SLC35F3: variants seen among roughly 807,000 people sequenced by gnomAD.
SLC35F3 encodes the protein solute carrier family 35 member F3, also known as putative thiamine transporter SLC35F3.
Under a neutral mutation model 49.9 loss-of-function variants are expected in SLC35F3, and 25 were observed. The observed-to-expected ratio is 0.50, with a 90% CI of 0.37 to 0.70. The LOEUF (loss-of-function observed/expected upper bound fraction) is 0.70. Ranked by LOEUF, SLC35F3 falls within the 30% of genes least tolerant of loss-of-function variation. The pLI is 0.00. For synonymous variants in SLC35F3, 275 were observed against 265.4 expected (o/e 1.04, Z -0.35); for missense variants, 525 against 639.8 (o/e 0.82, Z 1.94).
chr1:234,260,822 C>T (rs1443323318), intron 3 of SLC35F3, among the ~76,000 whole-genome samples: 1 of 152,156 alleles, frequency 6.6e-6, no homozygotes, highest in Non-Finnish European at 1.5e-5. Context: ...ATTTCCTCCA[C>T]CAAAGTTACC....
intron 2 of SLC35F3, among the ~76,000 whole-genome samples, chr1:234,099,264 T>C (rs1032354572): frequency 6.6e-6 from 1 of 152,040 alleles, no homozygotes; most frequent in Non-Finnish European, 1.5e-5. Flanking sequence ...TAGAATAATA[T>C]TGGGAATGAT....
At chr1:234,108,623 G>GAT (rs58507649) in intron 2 of SLC35F3, among the ~76,000 whole-genome samples, 1 of 110,644 alleles carries the variant, frequency 9.0e-6, no homozygotes, top group East Asian at 2.4e-4. Flanking sequence ...ATATATAAAA[G>GAT]ATATATATAT....
intron 2 of SLC35F3, among the ~76,000 whole-genome samples, chr1:234,006,368 G>C (rs1663631164): frequency 6.6e-6 from 1 of 152,052 alleles, no homozygotes; most frequent in Non-Finnish European, 1.5e-5. Flanking sequence ...GATTTATTTT[G>C]CTTCACCAAT....
intron 4 of SLC35F3, among the ~76,000 whole-genome samples, chr1:234,310,634 T>C (rs567722314): frequency 9.8e-5 from 15 of 152,296 alleles, no homozygotes; most frequent in Admixed American, 2.0e-4. Flanking sequence ...TGGGCCCCCC[T>C]GCCACCCACC....
chr1:234,291,743 C>T (rs568249268), intron 3 of SLC35F3, among the ~76,000 whole-genome samples: 5 of 152,260 alleles, frequency 3.3e-5, no homozygotes, highest in South Asian at 4.1e-4. Flanking sequence ...GTGGGGTTTT[C>T]GTGATGGAGA....
intron 3 of SLC35F3, among the ~76,000 whole-genome samples, chr1:234,258,231 G>A (rs1298137812): frequency 6.6e-6 from 1 of 152,206 alleles, no homozygotes; most frequent in African/African-American, 2.4e-5. Flanking sequence ...ATAATGGGGG[G>A]TCAAAGCTGT....
In SLC35F3 at chr1:233,932,722, C is replaced by T. The variant is rs535319905; in HGVS notation, c.283+26964C>T. Among the ~76,000 whole-genome samples the T allele has an allele frequency of 9.8e-5, 15 of 152,290 alleles. No homozygotes were observed. In the South Asian group the frequency reaches 2.9e-3, roughly 29 times the overall value. On this transcript the variant is annotated intron_variant, in intron 2 of 7. Transcript: ENST00000366618. ...ATCCTTGATGGATCAGTTGTTTATA[C>T]AGGATGATGACCACCTAGGACCTAT... is the stretch of plus-strand genomic sequence containing the variant.
rs34618966 is a variant in SLC35F3, at chr1:234,323,108, G to A, written c.1338G>A (p.Glu446=). The change falls in exon 8 of 8, where the codon GAG becomes GAA. Residue 446 remains glutamate (E), a synonymous_variant. Transcript: ENST00000366618. This position sits in a 1 kb window ranked among gnomAD's most constrained non-coding sequence, Gnocchi z 4.5. The part of the protein sequence containing the change: ...LGFLLLLLPE[E]WDVWLIKLLT... ...TTCTCCTCCTGCTCCTGCCAGAGGA[G>A]TGGGATGTCTGGTTGATCAAGCTGC... 2.8e-3 allele frequency: 4,441 copies of A among 1,614,176 alleles called. 109 individuals carry two copies. The African/African-American group carries it at 0.051, about 19-fold the overall frequency.
At chr1:233,981,316 T>G (rs1316275800) in intron 2 of SLC35F3, among the ~76,000 whole-genome samples, 2 of 152,190 alleles carry the variant, frequency 1.3e-5, no homozygotes, top group Non-Finnish European at 2.9e-5. Flanking sequence ...CGCTTACTCC[T>G]TTTTCTGCCG....
intron 2 of SLC35F3, among the ~76,000 whole-genome samples, chr1:233,915,410 G>T (rs1026881252): frequency 6.6e-6 from 1 of 152,132 alleles, no homozygotes; most frequent in Non-Finnish European, 1.5e-5. Context: ...GCCAGCAATG[G>T]TGGTGCGCAC....
intron 3 of SLC35F3, among the ~76,000 whole-genome samples, chr1:234,297,799 G>A (rs567999727): frequency 4.6e-4 from 70 of 151,940 alleles, no homozygotes; most frequent in Middle Eastern, 3.4e-3. Context: ...AATGGTGGTT[G>A]CCAAAGGATA....
rs918076590 is a variant in SLC35F3 at position 234,199,346 on chromosome 1, C to G, written c.284-32071C>G. ...AGAAGTAAACCCAAGTATTTATGGG[C>G]AATTTATTTTCAATAACAGTGCCAA... On this transcript the variant is annotated intron_variant, in intron 2 of 7. Coordinates refer to ENST00000366618, the MANE Select transcript of SLC35F3 (RefSeq NM_173508.4). Among the ~76,000 whole-genome samples, 4 of 152,092 alleles carry G rather than the reference C, an allele frequency of 2.6e-5. No individual in the cohort carries two copies. In the East Asian group the frequency reaches 7.7e-4, roughly 29 times the overall value.
chr1:234,205,586 G>A (rs1338710975), intron 2 of SLC35F3, among the ~76,000 whole-genome samples: 2 of 152,244 alleles, frequency 1.3e-5, no homozygotes, highest in Non-Finnish European at 1.5e-5. Flanking sequence ...TCTGAAGCCA[G>A]TCTGAGGGGC....
chr1:233,980,180 G>T (rs1663158009), intron 2 of SLC35F3, among the ~76,000 whole-genome samples: 1 of 152,208 alleles, frequency 6.6e-6, no homozygotes, highest in Admixed American at 6.5e-5. Flanking sequence ...GGACTTTGGT[G>T]TTGGGAAGAA....
chr1:234,111,029 A>G (rs1293641875), intron 2 of SLC35F3, among the ~76,000 whole-genome samples: 3 of 152,182 alleles, frequency 2.0e-5, no homozygotes, highest in Non-Finnish European at 4.4e-5. Flanking sequence ...CTAGACGGTG[A>G]GATTTTAGAA....
intron 2 of SLC35F3, among the ~76,000 whole-genome samples, chr1:234,224,263 C>T (rs569887596): frequency 1.3e-5 from 2 of 152,250 alleles, no homozygotes; most frequent in South Asian, 2.1e-4. Flanking sequence ...GATGGAGTTT[C>T]GCCATGTTGC....
At chr1:233,974,174 CTTTTTTTTTT>C (rs757673463) in intron 2 of SLC35F3, among the ~76,000 whole-genome samples, 3,338 of 83,110 alleles carry the variant, frequency 0.04, 74 homozygotes, top group Non-Finnish European at 0.055. Context: ...ATTTCTATTT[CTTTTTTTTTT>C]TTTTTTTTTT....
intron 2 of SLC35F3, among the ~76,000 whole-genome samples, chr1:234,186,634 A>G (rs187533590): frequency 5.2e-4 from 79 of 152,344 alleles, no homozygotes; most frequent in African/African-American, 1.9e-3. Context: ...AGGATCTCAG[A>G]TAGTCTGTTC....
At chr1:234,147,557 A>G (rs766892681) in intron 2 of SLC35F3, among the ~76,000 whole-genome samples, 3 of 151,942 alleles carry the variant, frequency 2.0e-5, no homozygotes, top group Non-Finnish European at 2.9e-5. Context: ...TCAGTTATGA[A>G]GTTATTTTGA....
Sources: gnomAD v4.1 joint callset for allele counts (sites outside exome capture counted in the v4.1 genomes callset) on GRCh38, gnomAD v4.1.1 for gene constraint, Gnocchi (gnomAD v3.1) non-coding constraint, MANE v1.5 for transcripts, NCBI Gene and HGNC (gene_info 2026-07-23, HGNC 2026-07-21) for gene names.